The following DNAJC13 variants were observed in gnomAD, a reference collection of about 807,000 sequenced individuals.
DNAJC13 encodes the protein dnaJ homolog subfamily C member 13.
A neutral mutation model predicts 290.5 loss-of-function variants in DNAJC13; 75 were observed. The ratio of observed to expected loss-of-function variants is 0.26; its 90% CI spans 0.21 to 0.31. DNAJC13 has a LOEUF of 0.31. DNAJC13 is among the 10% of genes least tolerant of loss of function. The pLI, the probability that DNAJC13 is intolerant of heterozygous loss-of-function variation, is 1.00. For synonymous variants in DNAJC13, 862 were observed against 892.0 expected (o/e 0.97, Z 0.60); for missense variants, 2,260 against 2,674.5 (o/e 0.85, Z 3.42).
At chr3:132,460,816 A>T (rs1933766513) in intron 14 of DNAJC13, among the ~76,000 whole-genome samples, 1 of 151,878 alleles carries the variant, frequency 6.6e-6, no homozygotes, top group Admixed American at 6.5e-5. Flanking sequence ...TCTTGGTTAT[A>T]CTCTTGAAAT....
intron 52 of DNAJC13, 119 bp downstream of exon 52, chr3:132,525,908 C>G: frequency 7.9e-7 from 1 of 1,259,106 alleles, no homozygotes; most frequent in South Asian, 1.6e-5. Context: ...TTTTTGCATA[C>G]GAACCACATG....
chr3:132,486,546 A>G (rs980797465), intron 29 of DNAJC13, among the ~76,000 whole-genome samples: 1 of 152,220 alleles, frequency 6.6e-6, no homozygotes, highest in Non-Finnish European at 1.5e-5. Flanking sequence ...GTGATTAAAG[A>G]TACTTATATT....
chr3:132,438,693 T>C (rs1378621794), intron 2 of DNAJC13, among the ~76,000 whole-genome samples: 1 of 152,246 alleles, frequency 6.6e-6, no homozygotes, highest in Non-Finnish European at 1.5e-5. Context: ...GTGTGACCCA[T>C]TTCTGTTACC....
rs761665933 is a variant in DNAJC13, at chr3:132,434,384, C to CA, written c.-13-140dup. Among the ~76,000 whole-genome samples the CA allele has an allele frequency of 0.049, 4,588 of 94,136 alleles. 168 individuals carry two copies. The highest frequency in any genetic ancestry group is 0.12 in the African/African-American group (3,356 of 27,264). 61.8% of individuals were successfully genotyped at this position (94,136 alleles called of 152,430 possible). A position where few individuals can be genotyped will look rare whatever the true frequency, so the allele number is the denominator to read the frequency against. On this transcript the variant is annotated intron_variant, in intron 1 of 55. Transcript: ENST00000260818. ...CTGGGCGACAGAGCGAGACTCATCT[C>CA]AAAAAAAAAAAAAACAAAACCTTAT...
At chr3:132,447,800 A>G (rs1490097736) in intron 4 of DNAJC13, 98 bp from the exon 5 acceptor site, 14 of 928,036 alleles carry the variant, frequency 1.5e-5, no homozygotes, top group Non-Finnish European at 2.4e-5. Flanking sequence ...TGTCCAGGTT[A>G]CCAAGTCAGG....
Position 132,454,095 on chromosome 3 carries a change from T to A in DNAJC13, c.870T>A (p.Asn290Lys). The part of the protein sequence containing the change: ...EVFALVCDSE[N>K]PQLFTIEFIK... ...TTGCGTTGGTCTGTGACTCAGAAAA[T>A]CCACAACTTTTTACCATTGAATTTA... Residue 290 changes from asparagine to lysine, a missense_variant, in exon 9 of 56, where the codon AAT becomes AAA. By Grantham distance (94) the Asn-to-Lys change is moderately conservative (BLOSUM62 0). This residue lies in a region of DNAJC13 where 762 missense variants were observed against 964.1 expected (regional missense o/e 0.79). Coordinates refer to ENST00000260818, the MANE Select transcript of DNAJC13 (RefSeq NM_015268.4). 1.2e-6 allele frequency: 2 copies of A among 1,608,942 alleles called. No individual in the cohort carries two copies. Among genetic ancestry groups the A allele is most frequent in the Admixed American group, 1.7e-5 (1 of 59,266 alleles).
At position 132,531,044 on chromosome 3, in the gene DNAJC13, A is replaced by G. The variant is rs777189375; in HGVS notation, c.6572A>G (p.Asp2191Gly). Residue 2191 changes from aspartate (D) to glycine (G), a missense_variant, in exon 55 of 56, where the codon GAT becomes GGT. By Grantham distance (94) the Asp-to-Gly change is moderately conservative. Around this residue, in one of 3 missense-constraint regions of DNAJC13, gnomAD observed 1,494 missense variants for 1,693.7 expected, o/e 0.88. Coordinates refer to ENST00000260818, the MANE Select transcript of DNAJC13 (RefSeq NM_015268.4). ...CRSSVWSAFKDQKHDLFISES... is the reference protein window; with the variant it reads ...CRSSVWSAFKGQKHDLFISES... The stretch of plus-strand genomic sequence containing the variant: ...TCTTCAGTCTGGAGTGCCTTCAAAG[A>G]TCAGAAACATGATTTGTTCATTTCT... 1.2e-5 allele frequency: 20 copies of G among 1,614,148 alleles called. No individual in the cohort carries two copies. The highest frequency in any genetic ancestry group is 3.3e-5 in the Admixed American group (2 of 60,028).
intron 2 of DNAJC13, among the ~76,000 whole-genome samples, chr3:132,442,613 C>T (rs935064604): frequency 2.6e-5 from 4 of 152,080 alleles, no homozygotes; most frequent in Non-Finnish European, 4.4e-5. Context: ...ATAAAGCAGT[C>T]GCCTCAAACA....
intron 45 of DNAJC13, 137 bp downstream of exon 45, chr3:132,513,236 T>C (rs1232880726): frequency 6.0e-6 from 4 of 667,710 alleles, no homozygotes; most frequent in Non-Finnish European, 1.0e-5. Flanking sequence ...ACATCAATAT[T>C]TTTTGAAATT....
chr3:132,471,452 G>A (rs1934254044), intron 20 of DNAJC13, among the ~76,000 whole-genome samples: 2 of 144,900 alleles, frequency 1.4e-5, no homozygotes, highest in Non-Finnish European at 3.1e-5. Context: ...TCTCAGACGG[G>A]GCAGCTGCCA....
intron 9 of DNAJC13, among the ~76,000 whole-genome samples, chr3:132,454,792 CT>C (rs151217840): frequency 0.1 from 15,663 of 151,308 alleles, 987 homozygotes; most frequent in South Asian, 0.16. Context: ...AAAAGAACAC[CT>C]TAAAAAAAAA....
Position 132,503,198 on chromosome 3 carries a change from A to G in DNAJC13, c.4717-16A>G, listed in dbSNP as rs372503322. 4 of 1,610,622 alleles carry G rather than the reference A, an allele frequency of 2.5e-6. No individual in the cohort carries two copies. Among genetic ancestry groups the G allele is most frequent in the Non-Finnish European group, 3.4e-6 (4 of 1,178,406 alleles). On this transcript the variant is annotated splice_polypyrimidine_tract_variant and intron_variant, in intron 40 of 55. Transcript: ENST00000260818. ...ATAACAGATCTACTTTAACAACTTA[A>G]TTTTTTTTATAACAGGAGGTAGCAA...
At chr3:132,462,445 C>A in intron 15 of DNAJC13, 22 bp from the exon 16 acceptor site, 1 of 1,601,770 alleles carries the variant, frequency 6.2e-7, no homozygotes, top group Non-Finnish European at 8.5e-7. Context: ...TTTTTTGATA[C>A]TTTTTCCCCC....
At chr3:132,529,328 A>G (rs937367351) in intron 54 of DNAJC13, among the ~76,000 whole-genome samples, 6 of 152,098 alleles carry the variant, frequency 3.9e-5, no homozygotes, top group Non-Finnish European at 8.8e-5. Flanking sequence ...TTATCCATTC[A>G]TCTATTGATG....
chr3:132,460,955 CAT>C (rs1162157533), intron 14 of DNAJC13, 93 bp from the exon 15 acceptor site: 3 of 1,175,924 alleles, frequency 2.6e-6, no homozygotes, highest in Non-Finnish European at 3.6e-6. Context: ...TGATGTCTGA[CAT>C]ATAGAATAAC....
At chr3:132,460,038 T>C (rs1445187113) in intron 13 of DNAJC13, among the ~76,000 whole-genome samples, 1 of 152,228 alleles carries the variant, frequency 6.6e-6, no homozygotes, top group Non-Finnish European at 1.5e-5. Context: ...GAGTTAATTG[T>C]TGGGCAAATT....
chr3:132,442,629 A>G (rs1933108895), intron 2 of DNAJC13, among the ~76,000 whole-genome samples: 1 of 152,096 alleles, frequency 6.6e-6, no homozygotes, highest in Non-Finnish European at 1.5e-5. Flanking sequence ...AAACACTTGT[A>G]TTTCTTTAAG....
intron 30 of DNAJC13, 23 bp downstream of exon 30, chr3:132,488,475 A>G (rs1559893779): frequency 1.3e-6 from 2 of 1,573,384 alleles, no homozygotes; most frequent in Non-Finnish European, 1.7e-6. Context: ...AGGGTAATCT[A>G]TTTAAAAGTA....
rs780000440 is a variant in DNAJC13 at position 132,496,554 on chromosome 3, A to G, written c.4047A>G (p.Ala1349=). ...ACATGTTTGAAAAAGTAAATAAAGC[A>G]TATGAATTTTTATGTACCAAATCAG... The part of the protein sequence containing the change: ...GRDMFEKVNK[A]YEFLCTKSAK... Residue 1349 remains alanine, a synonymous_variant, in exon 36 of 56, where the codon GCA becomes GCG. Coordinates refer to ENST00000260818, the MANE Select transcript of DNAJC13 (RefSeq NM_015268.4). 7 of 1,603,568 alleles carry G rather than the reference A, an allele frequency of 4.4e-6. No homozygotes were observed. The highest frequency in any genetic ancestry group is 2.3e-5 in the East Asian group (1 of 44,404).
Sources: allele counts gnomAD v4.1 joint callset (sites outside exome capture counted in the v4.1 genomes callset), GRCh38; gene constraint gnomAD v4.1.1; regional missense constraint gnomAD v4.1.1; transcripts MANE v1.5; gene names NCBI Gene and HGNC (gene_info 2026-07-23, HGNC 2026-07-21).